NPM1: variants seen among roughly 807,000 people sequenced by gnomAD.
NPM1 encodes nucleophosmin.
A neutral mutation model predicts 44.1 loss-of-function variants in NPM1; 1 was observed. That is an observed-to-expected ratio of 0.02 (90% confidence interval 0.01 to 0.11). The LOEUF (loss-of-function observed/expected upper bound fraction) is 0.11. Ranked by LOEUF, NPM1 falls within the 10% of genes least tolerant of loss-of-function variation. The probability of loss-of-function intolerance (pLI) is 1.00; values close to 1 mark genes in which losing one functional copy is unlikely to be tolerated. For missense variants in NPM1, 197 were observed against 347.8 expected (o/e 0.57, Z 3.45); for synonymous variants, 126 against 111.8 (o/e 1.13, Z -0.80).
At chr5:171,390,020 T>G (rs1470297810) in intron 1 of NPM1, 31 bp from the exon 2 acceptor site, 1 of 1,354,386 alleles carries the variant, frequency 7.4e-7, no homozygotes, top group Non-Finnish European at 1.0e-6. Flanking sequence ...ATTTTTCTCC[T>G]TGTTAGAGTT....
intron 8 of NPM1, among the ~76,000 whole-genome samples, chr5:171,404,934 T>TA (rs1371078561): frequency 6.6e-6 from 1 of 152,096 alleles, no homozygotes; most frequent in African/African-American, 2.4e-5. Context: ...ACTCCCAAGT[T>TA]ACTCTTTTTT....
chr5:171,407,759 G>T lies in NPM1; in HGVS notation c.831G>T (p.Arg277=). Residue 277 remains arginine, a synonymous_variant, in exon 10 of 11, where the codon CGG becomes CGT. Coordinates refer to ENST00000296930, the MANE Select transcript of NPM1 (RefSeq NM_002520.7). ...KFINYVKNCF[R]MTDQEAIQDL... Reference sequence around the variant, plus strand: ...TCAATTATGTGAAGAATTGCTTCCGGATGACTGACCAAGAGGTAACTGGAT... The same window carrying T: ...TCAATTATGTGAAGAATTGCTTCCGTATGACTGACCAAGAGGTAACTGGAT... The T allele has an allele frequency of 6.2e-7, 1 of 1,608,726 alleles. No homozygotes were observed. The highest frequency in any genetic ancestry group is 8.5e-7 in the Non-Finnish European group (1 of 1,175,502).
intron 6 of NPM1, among the ~76,000 whole-genome samples, chr5:171,396,756 A>G (rs901301533): frequency 5.9e-5 from 9 of 152,140 alleles, no homozygotes; most frequent in African/African-American, 2.2e-4. Context: ...CGATGCGGGC[A>G]GATCACCTGA....
At chr5:171,401,113 G>C (rs1771174241) in intron 8 of NPM1, among the ~76,000 whole-genome samples, 188 bp downstream of exon 8, 2 of 152,018 alleles carry the variant, frequency 1.3e-5, no homozygotes, top group South Asian at 2.1e-4. Context: ...AGCACTTTGG[G>C]AGGGAGGCCA....
chr5:171,409,767 A>G (rs903066297), intron 10 of NPM1, among the ~76,000 whole-genome samples: 2 of 152,028 alleles, frequency 1.3e-5, no homozygotes, highest in Non-Finnish European at 2.9e-5. Context: ...TTGGCCTCTT[A>G]AAGTGCTGGG....
intron 5 of NPM1, 35 bp downstream of exon 5, chr5:171,392,851 A>G: frequency 1.9e-6 from 3 of 1,613,258 alleles, no homozygotes; most frequent in African/African-American, 1.3e-5. Flanking sequence ...GTTTTGTATT[A>G]TAGCTTTTAG....
intron 9 of NPM1, 112 bp downstream of exon 9, chr5:171,405,515 T>A (rs1158479998): frequency 4.5e-6 from 3 of 660,172 alleles, no homozygotes; most frequent in Non-Finnish European, 8.2e-6. Context: ...TTAATATACT[T>A]GCCTGGTTCG....
intron 3 of NPM1, 112 bp from the exon 4 acceptor site, chr5:171,391,594 A>G (rs1770581340): frequency 1.8e-6 from 2 of 1,115,770 alleles, no homozygotes; most frequent in Admixed American, 2.0e-5. Flanking sequence ...TACTTTTATC[A>G]GAGGTGGAAA....
chr5:171,403,639 G>GCC (rs1481711453), intron 8 of NPM1, among the ~76,000 whole-genome samples: 1 of 104,448 alleles, frequency 9.6e-6, no homozygotes, highest in Non-Finnish European at 2.1e-5. Flanking sequence ...CAGGGGGGCT[G>GCC]ACCCCCCCCA....
At chr5:171,391,839 C>T (rs768212080) in intron 4 of NPM1, 40 bp downstream of exon 4, 1 of 1,271,988 alleles carries the variant, frequency 7.9e-7, no homozygotes, top group Admixed American at 1.8e-5. Flanking sequence ...AGTTTGTCCT[C>T]TTTAGTGCAG....
chr5:171,392,085 G>A (rs114680436), intron 4 of NPM1, among the ~76,000 whole-genome samples: 6 of 152,144 alleles, frequency 3.9e-5, no homozygotes, highest in South Asian at 4.2e-4. Context: ...GGCCACAGAC[G>A]TGCACCACCA....
chr5:171,410,620 A>C lies in NPM1; in HGVS notation c.*55A>C. Reference sequence around the variant, plus strand: ...TTTTCCGTCTTATTTCATTTCTGTAACAGTTGATATCTGGCTGTCCTTTTT... The same window carrying C: ...TTTTCCGTCTTATTTCATTTCTGTACCAGTTGATATCTGGCTGTCCTTTTT... On this transcript the variant is annotated 3_prime_UTR_variant, in exon 11 of 11. Transcript: ENST00000296930. The C allele has an allele frequency of 1.0e-6, 1 of 998,464 alleles. No individual in the cohort carries two copies. Among genetic ancestry groups the C allele is most frequent in the Non-Finnish European group, 1.5e-6 (1 of 663,440 alleles). The allele number at this position is 998,464 out of a possible 1,614,324, so 61.9% of individuals were successfully genotyped here. A position where few individuals can be genotyped will look rare whatever the true frequency, so the allele number is the denominator to read the frequency against.
intron 6 of NPM1, among the ~76,000 whole-genome samples, chr5:171,395,123 C>A (rs1033362022): frequency 6.6e-6 from 1 of 152,008 alleles, no homozygotes; most frequent in Admixed American, 6.6e-5. Flanking sequence ...GAGGTTGCAG[C>A]AAGCCAAGAA....
Position 171,410,509 on chromosome 5 carries a change from CTTTTT to C in NPM1, c.847-9_847-5del. 8.1e-7 allele frequency: 1 copy of C among 1,229,916 alleles called. No homozygotes were observed. The highest frequency in any genetic ancestry group is 1.1e-6 in the Non-Finnish European group (1 of 896,264). 76.2% of individuals were successfully genotyped at this position (1,229,916 alleles called of 1,614,324 possible). ...GTGTTGTGGTTCCTTAACCACATTT[CTTTTT>C]TTTTTTTTCCAGGCTATTCAAGATC... On this transcript the variant is annotated splice_polypyrimidine_tract_variant and intron_variant, in intron 10 of 10. Coordinates refer to ENST00000296930, the MANE Select transcript of NPM1 (RefSeq NM_002520.7).
At chr5:171,389,092 A>AC (rs1561862825) in intron 1 of NPM1, among the ~76,000 whole-genome samples, 1 of 151,778 alleles carries the variant, frequency 6.6e-6, no homozygotes, top group Non-Finnish European at 1.5e-5. Flanking sequence ...TGGGAGCACC[A>AC]CCCCCCTCGA....
At chr5:171,396,897 C>T (rs1421519211) in intron 6 of NPM1, among the ~76,000 whole-genome samples, 1 of 151,924 alleles carries the variant, frequency 6.6e-6, no homozygotes. Flanking sequence ...TGCTTGAACC[C>T]GGGAGGCGGA....
At chr5:171,405,763 T>G (rs1285259173) in intron 9 of NPM1, 3 of 230,818 alleles carry the variant, frequency 1.3e-5, no homozygotes, top group Non-Finnish European at 2.5e-5. Context: ...TCATTAAAAT[T>G]ACAAACAGCT....
rs940997003 is a variant in NPM1, at chr5:171,397,467, T to C, written c.525-2686T>C. Among the ~76,000 whole-genome samples, 7 of 152,340 alleles carry C rather than the reference T, an allele frequency of 4.6e-5. No individual in the cohort carries two copies. In the South Asian group the frequency reaches 1.5e-3, roughly 32 times the overall value. On this transcript the variant is annotated intron_variant, in intron 6 of 10. Coordinates refer to ENST00000296930, the MANE Select transcript of NPM1 (RefSeq NM_002520.7). ...CACTACACCCTCACTTGCCATTATC[T>C]GACTCTAATCCTGGTGGTATGAAGT...
intron 8 of NPM1, among the ~76,000 whole-genome samples, chr5:171,403,583 C>G (rs1435555371): frequency 9.0e-6 from 1 of 110,946 alleles, no homozygotes; most frequent in Non-Finnish European, 2.0e-5. Flanking sequence ...GTAGGGGCGG[C>G]TGGGCAGAGG....
Sources: gnomAD v4.1 joint callset for allele counts (sites outside exome capture counted in the v4.1 genomes callset) on GRCh38, gnomAD v4.1.1 for gene constraint, MANE v1.5 for transcripts, NCBI Gene and HGNC (gene_info 2026-07-23, HGNC 2026-07-21) for gene names.